DGKD: variants seen among roughly 807,000 people sequenced by gnomAD.
The protein encoded by DGKD is DAG kinase delta.
Under a neutral mutation model 154.4 loss-of-function variants are expected in DGKD, and 68 were observed. That is an observed-to-expected ratio of 0.44 (90% CI 0.36 to 0.54). DGKD has a LOEUF of 0.54. Among genes scored for constraint, DGKD ranks in the 20% least tolerant of loss-of-function variants. The probability of loss-of-function intolerance (pLI) is 0.00; values close to 1 mark genes in which losing one functional copy is unlikely to be tolerated. For missense variants in DGKD, 1,343 were observed against 1,593.6 expected (o/e 0.84, Z 2.68); for synonymous variants, 693 against 638.0 (o/e 1.09, Z -1.30).
chr2:233,384,952 A>G (rs1488966758), intron 1 of DGKD, among the ~76,000 whole-genome samples: 1 of 152,122 alleles, frequency 6.6e-6, no homozygotes, highest in East Asian at 1.9e-4. Flanking sequence ...TGTGCCCCAC[A>G]TCCCAGAGCA....
In DGKD at chr2:233,383,729, G is replaced by T. The variant is rs1445151968; in HGVS notation, c.157-4528G>T. Among the ~76,000 whole-genome samples, 6 of 152,170 alleles carry T rather than the reference G, an allele frequency of 3.9e-5. No individual in the cohort carries two copies. The East Asian group carries it at 1.2e-3, about 29-fold the overall frequency. On this transcript the variant is annotated intron_variant, in intron 1 of 29. Transcript: ENST00000264057. ...CTCCCAAACCCTGGTTTGCAGTGCTGCCTGTTACACATCAAGCTTCCAAAT... is the reference window on the plus strand; with the variant it reads ...CTCCCAAACCCTGGTTTGCAGTGCTTCCTGTTACACATCAAGCTTCCAAAT...
chr2:233,393,711 T>C (rs1191606113), intron 3 of DGKD, among the ~76,000 whole-genome samples: 1 of 145,028 alleles, frequency 6.9e-6, no homozygotes, highest in African/African-American at 2.6e-5. Flanking sequence ...TTAGATGGAG[T>C]CTTGCTCCGT....
Position 233,458,252 on chromosome 2 carries a change from AGTG to A in DGKD, c.2581-26_2581-24del. On this transcript the variant is annotated intron_variant, in intron 21 of 29. Transcript: ENST00000264057. This position sits in a 1 kb window ranked among gnomAD's most constrained non-coding sequence, Gnocchi z 6.6. ...GCGGCCTGTGCTCGGGGATGTGTGGAGTGGTGGTCAGCTCTAACGTGTCCCTTG... is the reference window on the plus strand; with the variant it reads ...GCGGCCTGTGCTCGGGGATGTGTGGAGTGGTCAGCTCTAACGTGTCCCTTG... 6.9e-7 allele frequency: 1 copy of A among 1,445,262 alleles called. No homozygotes were observed. Among genetic ancestry groups the A allele is most frequent in the Non-Finnish European group, 9.7e-7 (1 of 1,030,590 alleles). The allele number at this position is 1,445,262 out of a possible 1,614,324, so 89.5% of individuals were successfully genotyped here. A position where few individuals can be genotyped will look rare whatever the true frequency, so the allele number is the denominator to read the frequency against.
At chr2:233,368,096 A>T (rs1004312721) in intron 1 of DGKD, among the ~76,000 whole-genome samples, 2 of 152,160 alleles carry the variant, frequency 1.3e-5, no homozygotes, top group Admixed American at 6.5e-5. Context: ...TTCCATATTC[A>T]TACACAATAC....
intron 4 of DGKD, 110 bp downstream of exon 4, chr2:233,434,594 C>T: frequency 3.5e-6 from 5 of 1,427,340 alleles, no homozygotes; most frequent in Non-Finnish European, 4.9e-6. Context: ...AGCTCACGTT[C>T]TTAGCATGTT....
chr2:233,439,469 A>G (rs1243274423), intron 9 of DGKD, among the ~76,000 whole-genome samples: 1 of 152,246 alleles, frequency 6.6e-6, no homozygotes, highest in Admixed American at 6.5e-5. Flanking sequence ...CTGCTTCCGC[A>G]AAGGCAGTAC....
intron 3 of DGKD, among the ~76,000 whole-genome samples, chr2:233,413,278 T>C (rs2061873425): frequency 6.6e-6 from 1 of 152,190 alleles, no homozygotes; most frequent in African/African-American, 2.4e-5. Flanking sequence ...ACCCCGCCTC[T>C]GTTTTCTGAT....
intron 3 of DGKD, among the ~76,000 whole-genome samples, chr2:233,390,933 G>A (rs56317380): frequency 0.031 from 4,672 of 152,174 alleles, 233 homozygotes; most frequent in African/African-American, 0.11. Context: ...GGGTTTCTCC[G>A]TGTTGGTCAG....
intron 1 of DGKD, among the ~76,000 whole-genome samples, chr2:233,365,578 G>T (rs573078190): frequency 6.6e-6 from 1 of 152,254 alleles, no homozygotes; most frequent in East Asian, 1.9e-4. Flanking sequence ...GAAATGTATG[G>T]AACACTGTAC....
At position 233,454,848 on chromosome 2, in the gene DGKD, C is replaced by T. The variant is rs778077790; in HGVS notation, c.2350C>T (p.Arg784Cys). ...GATATCCCTGGACTTTAACAACAAG[C>T]GCGATGAGCACCCAGAGAAGTGCAG... ...AKISLDFNNK[R>C]DEHPEKCRSR... The change falls in exon 19 of 30, where the codon CGC (arginine) becomes TGC (cysteine). Residue 784 changes from arginine to cysteine, a missense_variant. Arg to Cys is a radical substitution (Grantham distance 180). This residue lies in a region of DGKD where 60 missense variants were observed against 112.4 expected (regional missense o/e 0.53). Transcript: ENST00000264057. The T allele has an allele frequency of 3.1e-6, 5 of 1,613,500 alleles. No individual in the cohort carries two copies. Among genetic ancestry groups the T allele is most frequent in the Non-Finnish European group, 2.5e-6 (3 of 1,179,480 alleles).
chr2:233,418,816 T>C (rs2062027130), intron 3 of DGKD, among the ~76,000 whole-genome samples: 1 of 152,042 alleles, frequency 6.6e-6, no homozygotes, highest in African/African-American at 2.4e-5. Context: ...CCCTTTTAGG[T>C]TGCAGACAGG....
Position 233,469,749 on chromosome 2 carries a change from G to A in DGKD, c.*289G>A, listed in dbSNP as rs1035511188. ...TGTCACGGCCACTCAGCTCTCGCCCGCCTGTGCTGTGGGCCAGGGAATCCA... is the reference window on the plus strand; with the variant it reads ...TGTCACGGCCACTCAGCTCTCGCCCACCTGTGCTGTGGGCCAGGGAATCCA... On this transcript the variant is annotated 3_prime_UTR_variant, in exon 30 of 30. Coordinates refer to ENST00000264057, the MANE Select transcript of DGKD (RefSeq NM_152879.3). 9 of 390,672 alleles carry A rather than the reference G, an allele frequency of 2.3e-5. 1 individual carries two copies. The highest frequency in any genetic ancestry group is 1.0e-4 in the South Asian group (3 of 29,434). 24.2% of individuals were successfully genotyped at this position (390,672 alleles called of 1,614,324 possible).
In DGKD at chr2:233,427,220, A is replaced by G. The variant is rs914627822; in HGVS notation, c.349-7160A>G. 7.3e-5 allele frequency among the ~76,000 whole-genome samples: 11 copies of G among 150,218 alleles called. No homozygotes were observed. The Middle Eastern group carries it at 0.01, about 140-fold the overall frequency. On this transcript the variant is annotated intron_variant, in intron 3 of 29. Coordinates refer to ENST00000264057, the MANE Select transcript of DGKD (RefSeq NM_152879.3). ...TTCTCTCTCCAGTGTGTAGGTTTCC[A>G]TGCAGTCACCTCTGATGCAGTTCTG...
intron 9 of DGKD, among the ~76,000 whole-genome samples, chr2:233,439,427 C>G (rs192149826): frequency 1.4e-4 from 22 of 152,212 alleles, no homozygotes; most frequent in Admixed American, 1.4e-3. Flanking sequence ...CAGGCGCAGT[C>G]GGAGAGCAGT....
chr2:233,459,770 A>G lies in DGKD; in HGVS notation c.2708A>G (p.Lys903Arg). 1 of 1,613,948 alleles carries G rather than the reference A, an allele frequency of 6.2e-7. No individual in the cohort carries two copies. Among genetic ancestry groups the G allele is most frequent in the Non-Finnish European group, 8.5e-7 (1 of 1,179,950 alleles). ...HHRIAQCRTV[K>R]ISILGDEGVP... Reference sequence around the variant, plus strand: ...ATGTCTGCTCAGTGTCGCACGGTGAAGATCTCCATCCTTGGGGATGAGGGC... The same window carrying G: ...ATGTCTGCTCAGTGTCGCACGGTGAGGATCTCCATCCTTGGGGATGAGGGC... The change falls in exon 23 of 30, where the codon AAG becomes AGG. Residue 903 changes from lysine to arginine, a missense_variant. Lys to Arg is a conservative substitution (Grantham distance 26). Coordinates refer to ENST00000264057, the MANE Select transcript of DGKD (RefSeq NM_152879.3). The surrounding 1 kb of genome is among the most constrained non-coding windows in gnomAD (Gnocchi z 5.7).
Position 233,424,343 on chromosome 2 carries a change from T to C in DGKD, c.349-10037T>C, listed in dbSNP as rs781708232. 2.0e-5 allele frequency among the ~76,000 whole-genome samples: 3 copies of C among 152,360 alleles called. No individual in the cohort carries two copies. In the South Asian group the frequency reaches 6.2e-4, roughly 32 times the overall value. On this transcript the variant is annotated intron_variant, in intron 3 of 29. Coordinates refer to ENST00000264057, the MANE Select transcript of DGKD (RefSeq NM_152879.3). ...GCCATTTGGGTGCTGTGATTCAGCC[T>C]GATGTCAATCAGTGAACTGCCTTTG...
intron 3 of DGKD, among the ~76,000 whole-genome samples, chr2:233,425,467 G>T (rs1309599984): frequency 6.6e-6 from 1 of 152,314 alleles, no homozygotes; most frequent in East Asian, 1.9e-4. Flanking sequence ...GATTACAGGT[G>T]TGAGCCACTG....
chr2:233,396,285 GCTTTGAAAAA>G (rs1704021791), intron 3 of DGKD, among the ~76,000 whole-genome samples: 1 of 152,186 alleles, frequency 6.6e-6, no homozygotes, highest in Non-Finnish European at 1.5e-5. Flanking sequence ...GGGCTTTCCA[GCTTTGAAAAA>G]CTGTTTTTTC....
intron 6 of DGKD, 50 bp downstream of exon 6, chr2:233,435,974 T>A: frequency 1.3e-6 from 2 of 1,528,068 alleles, no homozygotes; most frequent in Non-Finnish European, 1.8e-6. Flanking sequence ...GTCCCCCACC[T>A]GCACGGCCCC....
Sources: allele counts gnomAD v4.1 joint callset (sites outside exome capture counted in the v4.1 genomes callset), GRCh38; gene constraint gnomAD v4.1.1; regional missense constraint gnomAD v4.1.1; non-coding constraint Gnocchi (gnomAD v3.1); transcripts MANE v1.5; gene names NCBI Gene and HGNC (gene_info 2026-07-23, HGNC 2026-07-21).